Variants in PPEF2 observed in about 807,000 individuals in gnomAD.
PPEF2 encodes serine/threonine-protein phosphatase with EF-hands 2.
A neutral mutation model predicts 84.7 loss-of-function variants in PPEF2; 84 were observed. The observed-to-expected ratio is 0.99, with a 90% CI of 0.83 to 1.19. The LOEUF is 1.19. Among genes scored for constraint, PPEF2 ranks in the 50% most tolerant of loss-of-function variants. The pLI is 0.00. For synonymous variants in PPEF2, 346 were observed against 345.2 expected, an observed-to-expected ratio of 1.00 and a Z score of -0.03; for missense variants, 924 against 937.5, an observed-to-expected ratio of 0.99 and a Z score of 0.19.
intron 7 of PPEF2, among the ~76,000 whole-genome samples, chr4:75,885,993 G>A (rs1222397390): frequency 1.5e-5 from 2 of 135,348 alleles, no homozygotes; most frequent in African/African-American, 2.7e-5. Context: ...TCGGCGAGAA[G>A]AGCGAAACTC....
intron 7 of PPEF2, among the ~76,000 whole-genome samples, chr4:75,885,815 C>A (rs1724706186): frequency 6.6e-6 from 1 of 152,142 alleles, no homozygotes; most frequent in Non-Finnish European, 1.5e-5. Flanking sequence ...TCGAGACCAG[C>A]CCGGCCAAGA....
intron 11 of PPEF2, 128 bp from the exon 12 acceptor site, chr4:75,873,440 C>A: frequency 1.2e-6 from 1 of 858,140 alleles, no homozygotes; most frequent in Non-Finnish European, 1.7e-6. Context: ...TCCATGCAAG[C>A]AATATTTGAC....
intron 11 of PPEF2, among the ~76,000 whole-genome samples, chr4:75,875,713 G>T (rs1426297683): frequency 6.6e-6 from 1 of 152,222 alleles, no homozygotes. Flanking sequence ...CATCATCGGT[G>T]AAGTCGGCTG....
intron 6 of PPEF2, among the ~76,000 whole-genome samples, chr4:75,887,620 CA>C (rs34334071): frequency 0.38 from 46,541 of 123,382 alleles, 8,213 homozygotes; most frequent in Non-Finnish European, 0.45. Context: ...GACTGTGTCT[CA>C]AAAAAAAAAA....
chr4:75,887,514 G>C (rs1188796306), intron 6 of PPEF2, among the ~76,000 whole-genome samples: 2 of 151,832 alleles, frequency 1.3e-5, no homozygotes, highest in Admixed American at 6.6e-5. Flanking sequence ...CCAGCTACTC[G>C]GGAGGCTGAG....
At chr4:75,881,431 ATGATTGTG>A (rs1724571792) in intron 10 of PPEF2, 2 of 152,086 alleles carry the variant, frequency 1.3e-5, no homozygotes, top group South Asian at 4.1e-4. Context: ...TTAGCCAAGC[ATGATTGTG>A]TGTGACTGTA....
chr4:75,871,877 T>C, intron 13 of PPEF2, 148 bp downstream of exon 13: 1 of 759,004 alleles, frequency 1.3e-6, no homozygotes, highest in Non-Finnish European at 2.0e-6. Flanking sequence ...CTCTAATGTC[T>C]ATTGTATTAA....
intron 4 of PPEF2, 64 bp from the exon 5 acceptor site, chr4:75,890,196 T>C (rs1172090389): frequency 1.9e-6 from 3 of 1,571,626 alleles, no homozygotes; most frequent in African/African-American, 2.7e-5. Flanking sequence ...GTGGGCACTA[T>C]AGAATAGTCC....
intron 7 of PPEF2, 94 bp downstream of exon 7, chr4:75,886,758 A>G (rs1724736559): frequency 5.9e-6 from 4 of 675,402 alleles, no homozygotes; most frequent in Non-Finnish European, 9.7e-6. Flanking sequence ...TTAAAACTTC[A>G]AGTAATATTT....
Position 75,867,314 on chromosome 4 carries a change from G to T in PPEF2, c.1755C>A (p.Val585=). Residue 585 remains valine, a splice_region_variant and synonymous_variant, in exon 14 of 17, where the codon GTC becomes GTA. Transcript: ENST00000286719. ...AATCTTTAACTTGATCATTCTTACC[G>T]ACTTTATCTGCATCATGCTTCTTAA... is the stretch of plus-strand genomic sequence containing the variant. ...SEFKKHDADK[V]GLITLSDWAA... 3 of 1,609,318 alleles carry T rather than the reference G, an allele frequency of 1.9e-6. No individual in the cohort carries two copies. The highest frequency in any genetic ancestry group is 2.2e-5 in the South Asian group (2 of 90,796).
intron 5 of PPEF2, 51 bp downstream of exon 5, chr4:75,889,906 T>G: frequency 6.3e-7 from 1 of 1,590,804 alleles, no homozygotes; most frequent in Non-Finnish European, 8.6e-7. Context: ...TCGTCTCCCT[T>G]CACACATTTC....
rs139820622 is a variant in PPEF2 at position 75,893,882 on chromosome 4, G to A, written c.56-1904C>T. ...TTCTCCCTCTTTTTTTCTTCCTCCCGGTTGACTATCTGGTAGGGTGTGGTG... is the reference window on the plus strand; with the variant it reads ...TTCTCCCTCTTTTTTTCTTCCTCCCAGTTGACTATCTGGTAGGGTGTGGTG... On this transcript the variant is annotated intron_variant, in intron 2 of 16. Transcript: ENST00000286719. Among the ~76,000 whole-genome samples, 47 of 118,804 alleles carry A rather than the reference G, an allele frequency of 4.0e-4. No individual in the cohort carries two copies. In the East Asian group the frequency reaches 0.012, roughly 30 times the overall value. The allele number at this position is 118,804 out of a possible 152,430, so 77.9% of individuals were successfully genotyped here. A position where few individuals can be genotyped will look rare whatever the true frequency, so the allele number is the denominator to read the frequency against.
chr4:75,892,717 CTAGGTGACCAGG>C (rs1445591485), intron 2 of PPEF2, among the ~76,000 whole-genome samples: 1 of 152,160 alleles, frequency 6.6e-6, no homozygotes, highest in Non-Finnish European at 1.5e-5. Flanking sequence ...AGGACCTGTG[CTAGGTGACCAGG>C]TAGGGCAGGT....
chr4:75,870,878 C>CATTTATTTATTT (rs33975459), intron 13 of PPEF2, among the ~76,000 whole-genome samples: 118,600 of 146,536 alleles, frequency 0.81, 48,993 homozygotes, highest in East Asian at 0.89. Flanking sequence ...CAAAAGCTAC[C>CATTTATTTATTT]ATTTATTTAT....
chr4:75,878,887 A>G (rs1469256575), intron 10 of PPEF2, among the ~76,000 whole-genome samples: 1 of 152,154 alleles, frequency 6.6e-6, no homozygotes, highest in Non-Finnish European at 1.5e-5. Flanking sequence ...CAAGCAATTC[A>G]TATCGACTCA....
rs1483960813 is a variant in PPEF2 at position 75,890,122 on chromosome 4, C to T, written c.252G>A (p.Leu84=). The T allele has an allele frequency of 2.5e-6, 4 of 1,613,756 alleles. No homozygotes were observed. In the African/African-American group the frequency reaches 5.3e-5, roughly 22 times the overall value. The change falls in exon 5 of 17, where the codon CTG becomes CTA. Residue 84 remains leucine, a synonymous_variant. Transcript: ENST00000286719. Reference sequence around the variant, plus strand: ...ATCTGTCCTCAGTGAATATGCGGGTCAGGAAGTCCCCTAGTCCAGATAGAA... The same window carrying T: ...ATCTGTCCTCAGTGAATATGCGGGTTAGGAAGTCCCCTAGTCCAGATAGAA... The part of the protein sequence containing the change: ...IPSSHNDRDF[L]TRIFTEDRFA...
rs368180001 is a variant in PPEF2, at chr4:75,884,656, C to T, written c.684G>A (p.Leu228=). ...EILMILFAFM[L]VYPKEFHLNR... ...TAAGATGGAACTCTTTGGGGTAAAC[C>T]AGCATGAAGGCAAAAAGAATCATCA... is the stretch of plus-strand genomic sequence containing the variant. The change falls in exon 8 of 17, where the codon CTG becomes CTA. Residue 228 remains leucine, a synonymous_variant. Coordinates refer to ENST00000286719, the MANE Select transcript of PPEF2 (RefSeq NM_006239.3). The T allele has an allele frequency of 1.2e-6, 2 of 1,613,770 alleles. No homozygotes were observed. Among genetic ancestry groups the T allele is most frequent in the South Asian group, 1.1e-5 (1 of 91,024 alleles).
At chr4:75,886,101 C>G (rs1171681788) in intron 7 of PPEF2, among the ~76,000 whole-genome samples, 1 of 152,162 alleles carries the variant, frequency 6.6e-6, no homozygotes, top group Non-Finnish European at 1.5e-5. Context: ...AGTACCAACC[C>G]GCAGGTTCAG....
At chr4:75,895,780 T>C (rs1361024997) in intron 2 of PPEF2, among the ~76,000 whole-genome samples, 2 of 151,914 alleles carry the variant, frequency 1.3e-5, no homozygotes, top group African/African-American at 4.8e-5. Context: ...TGATCTGTCG[T>C]CCAGGCTGGT....
Sources: allele counts gnomAD v4.1 joint callset (sites outside exome capture counted in the v4.1 genomes callset), GRCh38; gene constraint gnomAD v4.1.1; transcripts MANE v1.5; gene names NCBI Gene and HGNC (gene_info 2026-07-23, HGNC 2026-07-21).